CNTN4: variants seen among roughly 807,000 people sequenced by gnomAD.
CNTN4 encodes the protein contactin 4.
A neutral mutation model predicts 122.5 loss-of-function variants in CNTN4; 77 were observed. The ratio of observed to expected loss-of-function variants is 0.63; its 90% CI spans 0.52 to 0.76. The LOEUF is 0.76. CNTN4 is among the 30% of genes least tolerant of loss of function. The probability of loss-of-function intolerance (pLI) is 0.00; values close to 1 mark genes in which losing one functional copy is unlikely to be tolerated. For synonymous variants in CNTN4, 512 were observed against 447.0 expected (o/e 1.15, Z -1.83); for missense variants, 1,256 against 1,259.1 (o/e 1.00, Z 0.04).
intron 13 of CNTN4, among the ~76,000 whole-genome samples, chr3:2,987,899 A>G (rs939134742): frequency 2.0e-5 from 3 of 152,180 alleles, no homozygotes; most frequent in Non-Finnish European, 2.9e-5. Context: ...GCTTAATAAT[A>G]CCTCATTTAA....
intron 6 of CNTN4, among the ~76,000 whole-genome samples, chr3:2,792,294 C>G (rs534770161): frequency 6.6e-6 from 1 of 152,220 alleles, no homozygotes; most frequent in Non-Finnish European, 1.5e-5. Flanking sequence ...CTGTCTGAAT[C>G]AAATAATAGG....
At chr3:2,261,981 T>C (rs2040850463) in intron 2 of CNTN4, among the ~76,000 whole-genome samples, 1 of 152,184 alleles carries the variant, frequency 6.6e-6, no homozygotes, top group Non-Finnish European at 1.5e-5. Flanking sequence ...AATCACATTG[T>C]CTCTACTTAT....
At chr3:2,103,074 G>A (rs1057249450) in intron 2 of CNTN4, among the ~76,000 whole-genome samples, 1 of 151,890 alleles carries the variant, frequency 6.6e-6, no homozygotes, top group Admixed American at 6.6e-5. Flanking sequence ...GTACAGATGA[G>A]GAAAACTAGG....
At chr3:2,109,692 A>G (rs1287402881) in intron 2 of CNTN4, among the ~76,000 whole-genome samples, 2 of 152,318 alleles carry the variant, frequency 1.3e-5, no homozygotes, top group South Asian at 2.1e-4. Context: ...GCACATTGTC[A>G]TCATTTTAAG....
intron 3 of CNTN4, among the ~76,000 whole-genome samples, chr3:2,493,136 C>G (rs537653381): frequency 6.6e-6 from 1 of 152,166 alleles, no homozygotes. Context: ...ACCCAAGTAA[C>G]AAGAAGATAA....
intron 14 of CNTN4, among the ~76,000 whole-genome samples, chr3:2,990,083 A>G (rs904350977): frequency 6.6e-6 from 1 of 152,172 alleles, no homozygotes; most frequent in African/African-American, 2.4e-5. Flanking sequence ...AGTCTCATGG[A>G]GTCGCTTTGA....
At position 2,722,303 on chromosome 3, in the gene CNTN4, C is replaced by T. The variant is rs570494655; in HGVS notation, c.56-13912C>T. 3.9e-5 allele frequency among the ~76,000 whole-genome samples: 6 copies of T among 152,278 alleles called. No homozygotes were observed. The South Asian group carries it at 1.2e-3, about 32-fold the overall frequency. On this transcript the variant is annotated intron_variant, in intron 4 of 24. Coordinates refer to ENST00000418658, the MANE Select transcript of CNTN4 (RefSeq NM_175607.3). Reference sequence around the variant, plus strand: ...AGTGTGTTTACTTCTCTCTGTCTATCCTCAGTGTGAATAGTCTAGTACATA... The same window carrying T: ...AGTGTGTTTACTTCTCTCTGTCTATTCTCAGTGTGAATAGTCTAGTACATA...
At chr3:2,901,191 GA>G (rs2094169266) in intron 11 of CNTN4, among the ~76,000 whole-genome samples, 4 of 152,202 alleles carry the variant, frequency 2.6e-5, no homozygotes, top group Non-Finnish European at 4.4e-5. Flanking sequence ...CATCTAAATA[GA>G]GAAACACTCT....
chr3:2,743,459 G>A (rs2089580288), intron 5 of CNTN4, among the ~76,000 whole-genome samples: 1 of 152,118 alleles, frequency 6.6e-6, no homozygotes, highest in Non-Finnish European at 1.5e-5. Flanking sequence ...ACATAAAGAG[G>A]TACCTCATGT....
At chr3:2,827,757 T>A (rs1292818139) in intron 7 of CNTN4, among the ~76,000 whole-genome samples, 2 of 152,164 alleles carry the variant, frequency 1.3e-5, no homozygotes, top group African/African-American at 2.4e-5. Flanking sequence ...CTATTTAGCG[T>A]GTACAGTATG....
intron 6 of CNTN4, among the ~76,000 whole-genome samples, chr3:2,747,942 TA>T (rs11293908): frequency 0.055 from 8,340 of 152,280 alleles, 771 homozygotes; most frequent in African/African-American, 0.19. Flanking sequence ...ATTCTTACTT[TA>T]AAGATGCTGG....
chr3:2,802,375 GCTGT>G (rs2092368957), intron 6 of CNTN4, among the ~76,000 whole-genome samples: 1 of 152,154 alleles, frequency 6.6e-6, no homozygotes, highest in Non-Finnish European at 1.5e-5. Flanking sequence ...TGAGCTTTTT[GCTGT>G]CTGTTTAGTG....
intron 3 of CNTN4, among the ~76,000 whole-genome samples, chr3:2,451,919 C>T (rs927294233): frequency 2.6e-5 from 4 of 152,104 alleles, no homozygotes; most frequent in African/African-American, 7.2e-5. Flanking sequence ...AACAAGAACT[C>T]AGGGCACACA....
At chr3:2,623,503 G>C (rs907319735) in intron 4 of CNTN4, among the ~76,000 whole-genome samples, 1 of 152,160 alleles carries the variant, frequency 6.6e-6, no homozygotes, top group African/African-American at 2.4e-5. Flanking sequence ...CAGAGGGGCA[G>C]GGGAGGTCAG....
chr3:2,816,227 G>T (rs1052659684), intron 6 of CNTN4, among the ~76,000 whole-genome samples: 1 of 146,230 alleles, frequency 6.8e-6, no homozygotes, highest in Non-Finnish European at 1.5e-5. Context: ...GGTGGCGGGC[G>T]CCTGTAGTCC....
intron 2 of CNTN4, among the ~76,000 whole-genome samples, chr3:2,179,084 G>C (rs998672745): frequency 1.3e-5 from 2 of 152,104 alleles, no homozygotes; most frequent in Non-Finnish European, 2.9e-5. Flanking sequence ...ATGATCATTT[G>C]CAATTATAAA....
At chr3:2,786,881 G>A (rs1004400256) in intron 6 of CNTN4, among the ~76,000 whole-genome samples, 1 of 152,142 alleles carries the variant, frequency 6.6e-6, no homozygotes, top group African/African-American at 2.4e-5. Context: ...TGTCACTCTT[G>A]AGGCCAAAAA....
chr3:2,637,051 C>T (rs1165314672), intron 4 of CNTN4, among the ~76,000 whole-genome samples: 1 of 149,396 alleles, frequency 6.7e-6, no homozygotes, highest in Non-Finnish European at 1.5e-5. Context: ...AGGTAATCCT[C>T]CCAACTCAGC....
chr3:2,837,724 CA>C (rs1559560932), intron 7 of CNTN4, among the ~76,000 whole-genome samples: 1 of 152,112 alleles, frequency 6.6e-6, no homozygotes, highest in Admixed American at 6.5e-5. Flanking sequence ...ATACTTATCT[CA>C]ACTGGGGAAA....
Sources: gnomAD v4.1 joint callset for allele counts (sites outside exome capture counted in the v4.1 genomes callset) on GRCh38, gnomAD v4.1.1 for gene constraint, MANE v1.5 for transcripts, NCBI Gene and HGNC (gene_info 2026-07-23, HGNC 2026-07-21) for gene names.